Variants in KDM4C observed in about 807,000 individuals in gnomAD.
The protein encoded by KDM4C is lysine demethylase 4C, also known as lysine-specific demethylase 4C.
KDM4C carries 81 observed loss-of-function variants against 129.3 expected under a neutral mutation model. The ratio of observed to expected loss-of-function variants is 0.63; its 90% CI spans 0.52 to 0.75. The LOEUF is 0.75. Ranked by LOEUF, KDM4C falls within the 30% of genes least tolerant of loss-of-function variation. The pLI is 0.00. For synonymous variants in KDM4C, 573 were observed against 456.1 expected (o/e 1.26, Z -3.26); for missense variants, 1,457 against 1,304.0 (o/e 1.12, Z -1.81).
intron 4 of KDM4C, among the ~76,000 whole-genome samples, chr9:6,836,730 C>A (rs144395018): frequency 6.6e-6 from 1 of 152,262 alleles, no homozygotes; most frequent in East Asian, 1.9e-4. Context: ...TATTTTTCAC[C>A]TAACAGTATT....
intron 6 of KDM4C, among the ~76,000 whole-genome samples, chr9:6,884,970 A>G (rs1229472902): frequency 2.6e-5 from 4 of 152,284 alleles, no homozygotes; most frequent in Non-Finnish European, 5.9e-5. Context: ...TATTTCAAAA[A>G]TAGTTTCAAA....
chr9:6,746,713 C>T (rs201280626), intron 1 of KDM4C, among the ~76,000 whole-genome samples: 1 of 141,562 alleles, frequency 7.1e-6, no homozygotes, highest in East Asian at 2.1e-4. Flanking sequence ...AACCTCGTCT[C>T]TAAGAAAAAA....
chr9:7,037,658 C>G (rs779081354), intron 15 of KDM4C, among the ~76,000 whole-genome samples: 2 of 151,936 alleles, frequency 1.3e-5, no homozygotes, highest in Non-Finnish European at 2.9e-5. Context: ...CGAAAGGGAC[C>G]TCATCAGGAA....
intron 12 of KDM4C, among the ~76,000 whole-genome samples, chr9:6,993,846 T>G (rs1441615660): frequency 6.6e-6 from 1 of 152,216 alleles, no homozygotes; most frequent in Non-Finnish European, 1.5e-5. Flanking sequence ...CAGTACAGGT[T>G]AAATGCTCAA....
At chr9:7,118,897 G>T (rs1839202032) in intron 18 of KDM4C, among the ~76,000 whole-genome samples, 3 of 152,242 alleles carry the variant, frequency 2.0e-5, no homozygotes, top group African/African-American at 7.2e-5. Flanking sequence ...ACACAGGTCA[G>T]CCTTGCCAGG....
chr9:7,146,232 G>A (rs938464542), intron 19 of KDM4C, among the ~76,000 whole-genome samples: 1 of 152,164 alleles, frequency 6.6e-6, no homozygotes, highest in African/African-American at 2.4e-5. Context: ...ACATCAAAAT[G>A]TTACTGATTA....
chr9:6,935,034 A>G (rs1432767809), intron 8 of KDM4C, among the ~76,000 whole-genome samples: 1 of 152,144 alleles, frequency 6.6e-6, no homozygotes, highest in Non-Finnish European at 1.5e-5. Flanking sequence ...TACAACGGCT[A>G]AACTGGTTTT....
intron 8 of KDM4C, chr9:6,902,849 T>C (rs915567040): frequency 6.6e-6 from 1 of 152,212 alleles, no homozygotes; most frequent in Non-Finnish European, 1.5e-5. Context: ...ATGAAGGCAG[T>C]ATGAAAAGAA....
intron 2 of KDM4C, among the ~76,000 whole-genome samples, chr9:6,797,272 C>T (rs1238735146): frequency 4.6e-5 from 7 of 152,128 alleles, no homozygotes; most frequent in Non-Finnish European, 1.0e-4. Flanking sequence ...CAGGCATGAG[C>T]CACTGTGCCT....
rs535081347 is a variant in KDM4C at position 7,049,148 on chromosome 9, C to T, written c.2372C>T (p.Pro791Leu). 41 of 1,612,346 alleles carry T rather than the reference C, an allele frequency of 2.5e-5. No individual in the cohort carries two copies. In the South Asian group the frequency reaches 4.4e-4, roughly 17 times the overall value. ...CCAGAAGTTCGATTCACTAATGTCC[C>T]AGAAAGGACACAAATAGATGTAGGC... ...AVPEVRFTNV[P>L]ERTQIDVGRI... The change falls in exon 17 of 22, where the codon CCA (proline) becomes CTA (leucine). Residue 791 changes from proline to leucine, a missense_variant. By Grantham distance (98) the Pro-to-Leu change is moderately conservative. Coordinates refer to ENST00000381309, the MANE Select transcript of KDM4C (RefSeq NM_015061.6).
chr9:7,083,953 A>T (rs574282684), intron 17 of KDM4C, among the ~76,000 whole-genome samples: 9 of 152,312 alleles, frequency 5.9e-5, no homozygotes, highest in African/African-American at 1.9e-4. Context: ...CAAAAAAGCT[A>T]TGGAGAATTA....
intron 5 of KDM4C, among the ~76,000 whole-genome samples, chr9:6,862,090 G>C (rs1460711363): frequency 6.6e-6 from 1 of 152,118 alleles, no homozygotes; most frequent in African/African-American, 2.4e-5. Context: ...GTATTTCTGA[G>C]AGGACATAGC....
At chr9:7,009,457 CTTTT>C (rs796858594) in intron 12 of KDM4C, among the ~76,000 whole-genome samples, 1 of 151,438 alleles carries the variant, frequency 6.6e-6, no homozygotes, top group African/African-American at 2.4e-5. Context: ...TGCATACATT[CTTTT>C]TTTTTCACAG....
intron 8 of KDM4C, among the ~76,000 whole-genome samples, chr9:6,907,599 A>G (rs141252332): frequency 3.4e-4 from 52 of 152,322 alleles, no homozygotes; most frequent in Admixed American, 1.5e-3. Flanking sequence ...GTCTTTACTC[A>G]TAGGACTTTT....
At chr9:7,091,670 C>G (rs1370293144) in intron 17 of KDM4C, among the ~76,000 whole-genome samples, 1 of 151,882 alleles carries the variant, frequency 6.6e-6, no homozygotes, top group Non-Finnish European at 1.5e-5. Flanking sequence ...TTTTTTCTTT[C>G]CATAAAAATA....
intron 8 of KDM4C, among the ~76,000 whole-genome samples, chr9:6,955,659 C>G (rs1828933700): frequency 6.6e-6 from 1 of 152,206 alleles, no homozygotes; most frequent in Non-Finnish European, 1.5e-5. Flanking sequence ...ATTTTTTCAG[C>G]TTTTCCCTTT....
intron 3 of KDM4C, among the ~76,000 whole-genome samples, chr9:6,813,173 C>T (rs917738104): frequency 6.6e-6 from 1 of 151,720 alleles, no homozygotes; most frequent in African/African-American, 2.4e-5. Flanking sequence ...GAGACCGTCT[C>T]AAAACAAAAC....
At chr9:7,070,359 G>T (rs73639964) in intron 17 of KDM4C, among the ~76,000 whole-genome samples, 26,865 of 151,980 alleles carry the variant, frequency 0.18, 2,866 homozygotes, top group South Asian at 0.41. Context: ...TAAAAAATTA[G>T]AAGTGAAGGG....
intron 8 of KDM4C, among the ~76,000 whole-genome samples, chr9:6,900,355 G>A (rs991788151): frequency 6.6e-6 from 1 of 152,250 alleles, no homozygotes; most frequent in Admixed American, 6.5e-5. Context: ...TGTGTGATTT[G>A]TGGGATCACT....
Sources: gnomAD v4.1 joint callset for allele counts (sites outside exome capture counted in the v4.1 genomes callset) on GRCh38, gnomAD v4.1.1 for gene constraint, MANE v1.5 for transcripts, NCBI Gene and HGNC (gene_info 2026-07-23, HGNC 2026-07-21) for gene names.